The following SRBD1 variants were observed in gnomAD, a reference collection of about 807,000 sequenced individuals.
The protein encoded by SRBD1 is S1 RNA binding domain 1.
SRBD1 carries 88 observed loss-of-function variants against 115.3 expected under a neutral mutation model. The ratio of observed to expected loss-of-function variants is 0.76; its 90% CI spans 0.64 to 0.91. The LOEUF (loss-of-function observed/expected upper bound fraction) is 0.91, where lower values mean the gene tolerates loss of function less well. SRBD1 is among the 40% of genes least tolerant of loss of function. The probability of loss-of-function intolerance (pLI) is 0.00; values close to 1 mark genes in which losing one functional copy is unlikely to be tolerated. For missense variants in SRBD1, 1,385 were observed against 1,177.4 expected (o/e 1.18, Z -2.58); for synonymous variants, 509 against 407.7 (o/e 1.25, Z -2.99).
chr2:45,490,013 G>A (rs1009001408), intron 14 of SRBD1, among the ~76,000 whole-genome samples: 4 of 152,262 alleles, frequency 2.6e-5, no homozygotes, highest in African/African-American at 9.6e-5. Flanking sequence ...AGCAGAACTT[G>A]AGGACATACA....
intron 15 of SRBD1, among the ~76,000 whole-genome samples, chr2:45,483,645 G>A (rs920111187): frequency 6.6e-6 from 1 of 151,906 alleles, no homozygotes; most frequent in South Asian, 2.1e-4. Flanking sequence ...CTGTTATCTA[G>A]CAATATTAGA....
At chr2:45,399,556 T>G (rs1480399016) in intron 19 of SRBD1, among the ~76,000 whole-genome samples, 1 of 152,090 alleles carries the variant, frequency 6.6e-6, no homozygotes, top group Non-Finnish European at 1.5e-5. Flanking sequence ...CCTGACAACA[T>G]AAGGTAGTAG....
At chr2:45,504,375 T>G (rs989728504) in intron 14 of SRBD1, among the ~76,000 whole-genome samples, 2 of 152,092 alleles carry the variant, frequency 1.3e-5, no homozygotes, top group African/African-American at 4.8e-5. Flanking sequence ...ATCCAAATTC[T>G]TTATGTTTTT....
intron 14 of SRBD1, among the ~76,000 whole-genome samples, chr2:45,503,269 C>G (rs542390019): frequency 7.9e-5 from 12 of 152,056 alleles, no homozygotes; most frequent in Non-Finnish European, 1.5e-4. Flanking sequence ...AATTTATTTT[C>G]ATTTATTTCA....
At chr2:45,454,514 A>C (rs1045009495) in intron 16 of SRBD1, among the ~76,000 whole-genome samples, 2 of 151,878 alleles carry the variant, frequency 1.3e-5, no homozygotes, top group Non-Finnish European at 2.9e-5. Context: ...ACTCCATTGA[A>C]TAGTAACATG....
intron 16 of SRBD1, among the ~76,000 whole-genome samples, chr2:45,475,590 T>C (rs1321863695): frequency 6.6e-6 from 1 of 152,218 alleles, no homozygotes; most frequent in East Asian, 1.9e-4. Context: ...GTTTCATAAA[T>C]TTGGAATCTT....
At chr2:45,590,756 C>A (rs1286497211) in intron 4 of SRBD1, among the ~76,000 whole-genome samples, 1 of 152,190 alleles carries the variant, frequency 6.6e-6, no homozygotes, top group Non-Finnish European at 1.5e-5. Context: ...GTGGCTCATG[C>A]CTGTAATCCC....
intron 16 of SRBD1, among the ~76,000 whole-genome samples, chr2:45,431,241 G>A (rs1668326195): frequency 1.3e-5 from 2 of 152,196 alleles, no homozygotes; most frequent in African/African-American, 2.4e-5. Flanking sequence ...AGACAGTGTG[G>A]TGATTCCTCA....
At chr2:45,422,452 A>G (rs1029979039) in intron 16 of SRBD1, among the ~76,000 whole-genome samples, 5 of 152,254 alleles carry the variant, frequency 3.3e-5, no homozygotes, top group African/African-American at 1.2e-4. Flanking sequence ...TTAGTGGATC[A>G]TAAAATTAAA....
At chr2:45,496,038 G>A (rs1240825542) in intron 14 of SRBD1, among the ~76,000 whole-genome samples, 1 of 152,114 alleles carries the variant, frequency 6.6e-6, no homozygotes, top group Non-Finnish European at 1.5e-5. Context: ...CAGATTATCT[G>A]TATTTGTTTA....
chr2:45,488,964 G>A (rs1670207725), intron 14 of SRBD1, among the ~76,000 whole-genome samples: 1 of 152,068 alleles, frequency 6.6e-6, no homozygotes, highest in Admixed American at 6.6e-5. Flanking sequence ...TCAGGCAGGT[G>A]TTAATTCCTT....
intron 14 of SRBD1, among the ~76,000 whole-genome samples, chr2:45,514,051 A>C (rs1671050380): frequency 6.6e-6 from 1 of 152,172 alleles, no homozygotes. Flanking sequence ...TCAACTGTGA[A>C]CAACACTTAC....
At chr2:45,553,907 A>T (rs1672387809) in intron 10 of SRBD1, among the ~76,000 whole-genome samples, 177 bp from the exon 11 acceptor site, 1 of 152,196 alleles carries the variant, frequency 6.6e-6, no homozygotes, top group South Asian at 2.1e-4. Context: ...TGACATCTGG[A>T]GTTTTTATTT....
chr2:45,445,618 A>G (rs1483518808), intron 16 of SRBD1, among the ~76,000 whole-genome samples: 1 of 151,712 alleles, frequency 6.6e-6, no homozygotes, highest in Non-Finnish European at 1.5e-5. Context: ...CACGGAACAA[A>G]GTCAGAAACA....
chr2:45,599,306 G>GT, intron 4 of SRBD1, 143 bp downstream of exon 4: 1 of 1,150,158 alleles, frequency 8.7e-7, no homozygotes, highest in South Asian at 1.6e-5. Flanking sequence ...AAAGTTACAA[G>GT]TAGGAAAGCC....
At chr2:45,528,107 T>A (rs928144606) in intron 14 of SRBD1, among the ~76,000 whole-genome samples, 4 of 151,920 alleles carry the variant, frequency 2.6e-5, no homozygotes, top group African/African-American at 7.2e-5. Context: ...CTAATTCTTA[T>A]AATGAATAAA....
At chr2:45,506,320 C>G (rs892171898) in intron 14 of SRBD1, among the ~76,000 whole-genome samples, 3 of 152,160 alleles carry the variant, frequency 2.0e-5, no homozygotes, top group African/African-American at 7.2e-5. Flanking sequence ...TACTTCAAAA[C>G]CACCTCAGTT....
intron 16 of SRBD1, among the ~76,000 whole-genome samples, chr2:45,422,813 T>G (rs757692109): frequency 6.6e-6 from 1 of 152,232 alleles, no homozygotes; most frequent in Non-Finnish European, 1.5e-5. Flanking sequence ...AGAATGTTAT[T>G]GAGTATAAAA....
chr2:45,406,654 T>C (rs570367324), intron 19 of SRBD1, among the ~76,000 whole-genome samples: 5 of 152,236 alleles, frequency 3.3e-5, no homozygotes, highest in African/African-American at 1.2e-4. Flanking sequence ...GGGAATTATT[T>C]TTAGTGGAAT....
Sources: allele counts gnomAD v4.1 joint callset (sites outside exome capture counted in the v4.1 genomes callset), GRCh38; gene constraint gnomAD v4.1.1; transcripts MANE v1.5; gene names NCBI Gene and HGNC (gene_info 2026-07-23, HGNC 2026-07-21).